RHOBTB3: variants seen among roughly 807,000 people sequenced by gnomAD.
RHOBTB3 encodes rho-related BTB domain-containing protein 3.
In RHOBTB3, 47 loss-of-function variants were observed where a neutral mutation model predicts 67.2. The observed-to-expected ratio is 0.70, with a 90% CI of 0.55 to 0.89. The LOEUF (loss-of-function observed/expected upper bound fraction) is 0.89. Among genes scored for constraint, RHOBTB3 ranks in the 40% least tolerant of loss-of-function variants. The pLI, the probability that RHOBTB3 is intolerant of heterozygous loss-of-function variation, is 0.00. For synonymous variants in RHOBTB3, 273 were observed against 274.2 expected (o/e 1.00, Z 0.04); for missense variants, 631 against 750.0 (o/e 0.84, Z 1.85).
intron 11 of RHOBTB3, chr5:95,789,420 A>G (rs1746311383): frequency 6.6e-6 from 1 of 152,366 alleles, no homozygotes; most frequent in African/African-American, 2.4e-5. Context: ...AAGGTAAATT[A>G]TAAAAATTAA....
intron 6 of RHOBTB3, among the ~76,000 whole-genome samples, chr5:95,757,975 A>G (rs1041518161): frequency 9.8e-5 from 15 of 152,362 alleles, no homozygotes; most frequent in Middle Eastern, 3.4e-3. Context: ...GAGAAAAAAG[A>G]TGTTTTTAAT....
intron 3 of RHOBTB3, among the ~76,000 whole-genome samples, chr5:95,743,416 C>G (rs1433978621): frequency 2.6e-5 from 4 of 151,954 alleles, no homozygotes; most frequent in Admixed American, 6.6e-5. Flanking sequence ...GCCTTTGGGC[C>G]GCCTCCTCCT....
At chr5:95,772,295 C>T (rs749268726) in intron 8 of RHOBTB3, among the ~76,000 whole-genome samples, 38 of 152,132 alleles carry the variant, frequency 2.5e-4, no homozygotes, top group Non-Finnish European at 4.9e-4. Flanking sequence ...AGATGTCTTC[C>T]GTCCTATAAC....
chr5:95,741,487 A>G (rs1391999502), intron 3 of RHOBTB3, among the ~76,000 whole-genome samples: 1 of 131,350 alleles, frequency 7.6e-6, no homozygotes, highest in Non-Finnish European at 1.6e-5. Context: ...TTTAGTTGTT[A>G]TATCTCTCAA....
intron 3 of RHOBTB3, among the ~76,000 whole-genome samples, chr5:95,738,983 A>G (rs767005283): frequency 6.6e-5 from 10 of 152,076 alleles, no homozygotes; most frequent in Non-Finnish European, 1.3e-4. Flanking sequence ...ATTGTTTCCC[A>G]GGGTTCCGTC....
intron 1 of RHOBTB3, chr5:95,717,845 G>C (rs1754728721): frequency 6.6e-6 from 1 of 152,148 alleles, no homozygotes; most frequent in South Asian, 2.1e-4. Flanking sequence ...GGGACATATA[G>C]GATGGGGTTA....
At chr5:95,737,868 T>A (rs1281185616) in intron 3 of RHOBTB3, among the ~76,000 whole-genome samples, 1 of 152,220 alleles carries the variant, frequency 6.6e-6, no homozygotes, top group Non-Finnish European at 1.5e-5. Context: ...TCCCTCATGC[T>A]CTTCCCAGTT....
chr5:95,765,988 C>T (rs1041999412), intron 7 of RHOBTB3, among the ~76,000 whole-genome samples: 8 of 152,086 alleles, frequency 5.3e-5, no homozygotes, highest in African/African-American at 1.4e-4. Context: ...CTGCTACTCT[C>T]GTTAAGCGTG....
intron 6 of RHOBTB3, chr5:95,756,156 T>A: frequency 6.2e-6 from 1 of 161,272 alleles, no homozygotes; most frequent in Non-Finnish European, 1.4e-5. Flanking sequence ...AAACGATGAT[T>A]CCCCATTCCG....
intron 1 of RHOBTB3, among the ~76,000 whole-genome samples, chr5:95,723,542 T>TTTTG (rs200636777): frequency 2.0e-4 from 30 of 152,250 alleles, no homozygotes; most frequent in Non-Finnish European, 3.7e-4. Context: ...TCTTGTTGTT[T>TTTTG]TTTGTTTGTT....
chr5:95,789,174 A>G (rs1379714684), intron 11 of RHOBTB3: 2 of 254,796 alleles, frequency 7.8e-6, no homozygotes, highest in Admixed American at 6.0e-5. Context: ...GTGAAAAGTG[A>G]TATCTTAGTT....
intron 6 of RHOBTB3, among the ~76,000 whole-genome samples, chr5:95,757,573 T>G (rs1580410460): frequency 6.6e-6 from 1 of 152,248 alleles, no homozygotes; most frequent in Admixed American, 6.5e-5. Context: ...ATGTTAAAAA[T>G]AAGGTATTAC....
intron 9 of RHOBTB3, among the ~76,000 whole-genome samples, chr5:95,781,183 C>G (rs1419269608): frequency 6.6e-6 from 1 of 152,158 alleles, no homozygotes; most frequent in African/African-American, 2.4e-5. Context: ...CAGGGAAGCC[C>G]TCTGTGAGTA....
At chr5:95,752,634 T>C (rs1373906835) in intron 5 of RHOBTB3, among the ~76,000 whole-genome samples, 1 of 152,252 alleles carries the variant, frequency 6.6e-6, no homozygotes, top group Non-Finnish European at 1.5e-5. Context: ...TAAAGTCTAA[T>C]GCTAAGTTAC....
chr5:95,731,070 T>C (rs969913635), upstream of RHOBTB3: 25 of 1,090,120 alleles, frequency 2.3e-5, no homozygotes, highest in Admixed American at 4.6e-5. Context: ...TTGAACAAAC[T>C]TGCTGCAGGC....
At chr5:95,790,980 C>T (rs1469435066) in intron 11 of RHOBTB3, among the ~76,000 whole-genome samples, 1 of 152,180 alleles carries the variant, frequency 6.6e-6, no homozygotes, top group Non-Finnish European at 1.5e-5. Flanking sequence ...GACGGCCCAC[C>T]TAAAGGAGCA....
intron 6 of RHOBTB3, among the ~76,000 whole-genome samples, chr5:95,757,676 G>A (rs1447573588): frequency 1.3e-5 from 2 of 152,276 alleles, no homozygotes; most frequent in Admixed American, 6.5e-5. Flanking sequence ...GATTTATGTG[G>A]ATAAAAAATA....
At chr5:95,751,165 A>G (rs1263746580) in intron 4 of RHOBTB3, among the ~76,000 whole-genome samples, 1 of 152,230 alleles carries the variant, frequency 6.6e-6, no homozygotes, top group Non-Finnish European at 1.5e-5. Flanking sequence ...GACAGATTTT[A>G]AAGAAATTTG....
chr5:95,747,828 G>C (rs753585825), intron 3 of RHOBTB3, among the ~76,000 whole-genome samples: 1 of 152,190 alleles, frequency 6.6e-6, no homozygotes, highest in African/African-American at 2.4e-5. Context: ...TTTACAAAGA[G>C]AGTGACAATT....
Sources: allele counts gnomAD v4.1 joint callset (sites outside exome capture counted in the v4.1 genomes callset), GRCh38; gene constraint gnomAD v4.1.1; transcripts MANE v1.5; gene names NCBI Gene and HGNC (gene_info 2026-07-23, HGNC 2026-07-21).